DOCK3: variants seen among roughly 807,000 people sequenced by gnomAD.
DOCK3 encodes the protein dedicator of cytokinesis protein 3.
Under a neutral mutation model 265.6 loss-of-function variants are expected in DOCK3, and 60 were observed. That is an observed-to-expected ratio of 0.23 (90% CI 0.18 to 0.28). The LOEUF (loss-of-function observed/expected upper bound fraction) is 0.28, where lower values mean the gene tolerates loss of function less well. DOCK3 is among the 10% of genes least tolerant of loss of function. The pLI is 1.00. For synonymous variants in DOCK3, 881 were observed against 938.0 expected (o/e 0.94, Z 1.11); for missense variants, 1,981 against 2,594.3 (o/e 0.76, Z 5.14).
intron 21 of DOCK3, among the ~76,000 whole-genome samples, chr3:51,239,199 T>TTTTATTTATTTATTTA (rs4028194): frequency 0.66 from 96,354 of 146,416 alleles, 32,913 homozygotes; most frequent in Middle Eastern, 0.77. Context: ...AAAGCGTACT[T>TTTTATTTATTTATTTA]TTTATTTATT....
intron 5 of DOCK3, among the ~76,000 whole-genome samples, chr3:51,023,065 T>G (rs1397105318): frequency 6.6e-6 from 1 of 152,202 alleles, no homozygotes; most frequent in Non-Finnish European, 1.5e-5. Flanking sequence ...CTAGGAATTC[T>G]TTGAGCTTCT....
At chr3:50,742,043 T>C (rs2039074389) in intron 1 of DOCK3, among the ~76,000 whole-genome samples, 1 of 152,200 alleles carries the variant, frequency 6.6e-6, no homozygotes, top group South Asian at 2.1e-4. Context: ...GAGCATTTTT[T>C]CATGTGTTTT....
At chr3:51,357,519 C>A (rs182982368) in intron 44 of DOCK3, among the ~76,000 whole-genome samples, 2 of 152,294 alleles carry the variant, frequency 1.3e-5, no homozygotes, top group Admixed American at 1.3e-4. Context: ...GCCATCCAGG[C>A]TCCATGAGGG....
chr3:50,689,859 G>T (rs539852112), intron 1 of DOCK3, among the ~76,000 whole-genome samples: 3 of 152,286 alleles, frequency 2.0e-5, no homozygotes, highest in Admixed American at 6.5e-5. Flanking sequence ...GATAAAGCAG[G>T]GTTGGGGAGC....
chr3:51,113,253 G>A (rs564369258), intron 9 of DOCK3, among the ~76,000 whole-genome samples: 40 of 152,164 alleles, frequency 2.6e-4, no homozygotes, highest in African/African-American at 9.2e-4. Context: ...CAGAAATAGG[G>A]CATGGCACTT....
chr3:50,978,721 A>G (rs1412373169), intron 5 of DOCK3, among the ~76,000 whole-genome samples: 7 of 152,200 alleles, frequency 4.6e-5, no homozygotes, highest in African/African-American at 1.7e-4. Flanking sequence ...AGCCTGGGCA[A>G]TGGCGGGCGC....
At chr3:51,198,677 G>A (rs1399428245) in intron 12 of DOCK3, among the ~76,000 whole-genome samples, 1 of 151,744 alleles carries the variant, frequency 6.6e-6, no homozygotes, top group Non-Finnish European at 1.5e-5. Context: ...AAACCCGCTT[G>A]CTCTTTATAC....
intron 13 of DOCK3, among the ~76,000 whole-genome samples, chr3:51,210,318 TA>T (rs1411158775): frequency 6.6e-6 from 1 of 152,176 alleles, no homozygotes; most frequent in Non-Finnish European, 1.5e-5. Context: ...TAAACAGTGT[TA>T]GAAAGATCTC....
At chr3:51,226,615 G>C (rs533721664) in intron 15 of DOCK3, among the ~76,000 whole-genome samples, 1 of 152,350 alleles carries the variant, frequency 6.6e-6, no homozygotes, top group Admixed American at 6.5e-5. Flanking sequence ...CCTGTTCACT[G>C]TTTGCATGGA....
intron 26 of DOCK3, 120 bp from the exon 27 acceptor site, chr3:51,279,986 T>C (rs1228470233): frequency 2.6e-6 from 2 of 754,794 alleles, no homozygotes; most frequent in African/African-American, 3.5e-5. Flanking sequence ...ATTTGTCATC[T>C]TTCTTCCATG....
At chr3:50,928,364 A>G (rs1490657639) in intron 4 of DOCK3, among the ~76,000 whole-genome samples, 2 of 151,952 alleles carry the variant, frequency 1.3e-5, no homozygotes, top group Non-Finnish European at 2.9e-5. Flanking sequence ...ATGAATTTTC[A>G]TATTCTAGGT....
intron 1 of DOCK3, among the ~76,000 whole-genome samples, chr3:50,722,867 G>A (rs913181362): frequency 4.0e-5 from 6 of 150,960 alleles, no homozygotes; most frequent in Non-Finnish European, 7.4e-5. Flanking sequence ...TTCCTCCTGG[G>A]CTCAAGGCAT....
intron 5 of DOCK3, among the ~76,000 whole-genome samples, chr3:51,033,216 G>C (rs2080122565): frequency 6.6e-6 from 1 of 152,296 alleles, no homozygotes; most frequent in Middle Eastern, 3.4e-3. Context: ...TGTCATAGTG[G>C]AGAAGGACTC....
chr3:51,200,796 G>C (rs1337900491), intron 12 of DOCK3, among the ~76,000 whole-genome samples: 1 of 152,092 alleles, frequency 6.6e-6, no homozygotes, highest in African/African-American at 2.4e-5. Context: ...TACCCACAAA[G>C]GGAAGCCCAT....
At chr3:51,103,005 C>G (rs1463178281) in intron 9 of DOCK3, among the ~76,000 whole-genome samples, 2 of 152,158 alleles carry the variant, frequency 1.3e-5, no homozygotes, top group Non-Finnish European at 2.9e-5. Context: ...GTCATTAAAA[C>G]TACTATTCCC....
chr3:51,074,136 A>G (rs2081976399), intron 6 of DOCK3, among the ~76,000 whole-genome samples: 1 of 152,230 alleles, frequency 6.6e-6, no homozygotes, highest in South Asian at 2.1e-4. Context: ...TGCTTTTGCC[A>G]GACACAAGAA....
intron 5 of DOCK3, among the ~76,000 whole-genome samples, chr3:51,052,671 T>C (rs2081037811): frequency 6.6e-6 from 1 of 152,304 alleles, no homozygotes; most frequent in South Asian, 2.1e-4. Flanking sequence ...TTATTTGCCT[T>C]AGCAAGGAGA....
intron 5 of DOCK3, among the ~76,000 whole-genome samples, chr3:50,950,599 T>C (rs909917207): frequency 3.9e-5 from 6 of 152,106 alleles, no homozygotes; most frequent in Admixed American, 6.6e-5. Flanking sequence ...CATACCTAGC[T>C]TCAGTGCCTC....
At chr3:51,311,669 C>T (rs920552403) in intron 28 of DOCK3, among the ~76,000 whole-genome samples, 2 of 152,120 alleles carry the variant, frequency 1.3e-5, no homozygotes, top group African/African-American at 4.8e-5. Flanking sequence ...TGGGAGAAAC[C>T]TTAAAGAACC....
Sources: allele counts gnomAD v4.1 joint callset (sites outside exome capture counted in the v4.1 genomes callset), GRCh38; gene constraint gnomAD v4.1.1; transcripts MANE v1.5; gene names NCBI Gene and HGNC (gene_info 2026-07-23, HGNC 2026-07-21).